Variants in EHBP1 observed in about 807,000 individuals in gnomAD.
EHBP1 encodes the protein EH domain-binding protein 1.
A neutral mutation model predicts 144.0 loss-of-function variants in EHBP1; 55 were observed. That is an observed-to-expected ratio of 0.38 (90% CI 0.31 to 0.48). The LOEUF (loss-of-function observed/expected upper bound fraction) is 0.48. Among genes scored for constraint, EHBP1 ranks in the 20% least tolerant of loss-of-function variants. EHBP1 has a pLI of 0.98. For synonymous variants in EHBP1, 469 were observed against 472.7 expected (o/e 0.99, Z 0.10); for missense variants, 1,200 against 1,364.2 (o/e 0.88, Z 1.90).
chr2:62,688,014 A>G (rs2033776209), intron 1 of EHBP1, among the ~76,000 whole-genome samples: 1 of 152,200 alleles, frequency 6.6e-6, no homozygotes, highest in South Asian at 2.1e-4. Flanking sequence ...TAGACTCTGG[A>G]AATTATTCCT....
chr2:62,917,081 T>C (rs1258544226), intron 10 of EHBP1, among the ~76,000 whole-genome samples: 1 of 152,130 alleles, frequency 6.6e-6, no homozygotes, highest in African/African-American at 2.4e-5. Flanking sequence ...AGCTAGATGG[T>C]GTAGTGTACT....
At chr2:62,841,800 G>C (rs2047901263) in intron 7 of EHBP1, among the ~76,000 whole-genome samples, 1 of 151,688 alleles carries the variant, frequency 6.6e-6, no homozygotes, top group Non-Finnish European at 1.5e-5. Context: ...GCTATCTGGA[G>C]TATTTCCAGA....
chr2:62,834,089 T>G (rs1038096544), intron 7 of EHBP1, among the ~76,000 whole-genome samples: 1 of 152,188 alleles, frequency 6.6e-6, no homozygotes, highest in African/African-American at 2.4e-5. Flanking sequence ...ATGATAAAAC[T>G]TGAATGGATG....
intron 14 of EHBP1, among the ~76,000 whole-genome samples, chr2:62,960,851 T>C (rs2057965336): frequency 6.6e-6 from 1 of 152,222 alleles, no homozygotes; most frequent in Non-Finnish European, 1.5e-5. Context: ...TTTTGCCACT[T>C]GGGTACTTAA....
Position 62,747,365 on chromosome 2 carries a change from A to G in EHBP1, c.105-30A>G, listed in dbSNP as rs766413842. On this transcript the variant is annotated intron_variant, in intron 2 of 22. Coordinates refer to ENST00000431489, the MANE Select transcript of EHBP1 (RefSeq NM_001142616.3). ...ATGAAACTTTATTTATTTAAGATAA[A>G]TTATGTTTAACTTTTTTTTTGTTTG... 10 of 1,596,852 alleles carry G rather than the reference A, an allele frequency of 6.3e-6. No homozygotes were observed. The South Asian group carries it at 1.1e-4, about 18-fold the overall frequency.
At chr2:62,673,964 G>T in exon 1 of EHBP1, 2 of 465,042 alleles carry the variant, frequency 4.3e-6, no homozygotes, top group Non-Finnish European at 8.9e-6. Flanking sequence ...TGGGTTGCTT[G>T]CTAGGACACA....
At chr2:62,981,907 A>G (rs2058990086) in intron 15 of EHBP1, among the ~76,000 whole-genome samples, 3 of 152,150 alleles carry the variant, frequency 2.0e-5, no homozygotes, top group South Asian at 2.1e-4. Flanking sequence ...ACCAGGGTCT[A>G]TTTTCCCCAT....
chr2:63,015,070 CTCTT>C (rs1208717501), intron 19 of EHBP1, among the ~76,000 whole-genome samples: 1 of 152,176 alleles, frequency 6.6e-6, no homozygotes, highest in Non-Finnish European at 1.5e-5. Context: ...GATATAATAA[CTCTT>C]TCCGAATTTT....
At chr2:62,930,482 C>T (rs1243786301) in intron 10 of EHBP1, among the ~76,000 whole-genome samples, 1 of 152,116 alleles carries the variant, frequency 6.6e-6, no homozygotes, top group Admixed American at 6.5e-5. Flanking sequence ...TAATGCAATT[C>T]TTATAAAGAT....
At chr2:62,823,099 T>C (rs567017968) in intron 5 of EHBP1, among the ~76,000 whole-genome samples, 31 of 152,230 alleles carry the variant, frequency 2.0e-4, no homozygotes, top group African/African-American at 7.5e-4. Flanking sequence ...TAGGTCCATC[T>C]TTAGGTCTAC....
intron 7 of EHBP1, among the ~76,000 whole-genome samples, chr2:62,846,608 T>C (rs1051674822): frequency 6.6e-6 from 1 of 152,158 alleles, no homozygotes; most frequent in Non-Finnish European, 1.5e-5. Context: ...CTCTTACCAT[T>C]CAACATTATA....
At chr2:62,892,099 A>T (rs2052506557) in intron 10 of EHBP1, among the ~76,000 whole-genome samples, 1 of 152,124 alleles carries the variant, frequency 6.6e-6, no homozygotes, top group Admixed American at 6.5e-5. Flanking sequence ...TTTTATGCGC[A>T]TTTACATCAT....
chr2:62,895,756 T>C (rs942911708), intron 10 of EHBP1, among the ~76,000 whole-genome samples: 3 of 151,832 alleles, frequency 2.0e-5, no homozygotes, highest in African/African-American at 7.3e-5. Context: ...AGCAATGCAG[T>C]GAAGAAAGAG....
At chr2:62,689,002 G>T (rs1382904206) in intron 1 of EHBP1, among the ~76,000 whole-genome samples, 1 of 152,184 alleles carries the variant, frequency 6.6e-6, no homozygotes, top group African/African-American at 2.4e-5. Context: ...GTAAGAATGT[G>T]TGCATCCCAT....
rs79999466 is a variant in EHBP1, at chr2:62,931,888, A to T, written c.1186-10830A>T. ...TCAAGTGTCCCCTGGGGGTCTTAGAACATATTCCCATCAGGTGCAGTGGTT... is the reference window on the plus strand; with the variant it reads ...TCAAGTGTCCCCTGGGGGTCTTAGATCATATTCCCATCAGGTGCAGTGGTT... On this transcript the variant is annotated intron_variant, in intron 10 of 22. Coordinates refer to ENST00000431489, the MANE Select transcript of EHBP1 (RefSeq NM_001142616.3). 2.5e-4 allele frequency among the ~76,000 whole-genome samples: 38 copies of T among 152,282 alleles called. 1 individual carries two copies. The East Asian group carries it at 7.1e-3, about 29-fold the overall frequency.
chr2:62,744,978 C>G (rs999156837), intron 2 of EHBP1, among the ~76,000 whole-genome samples: 4 of 152,024 alleles, frequency 2.6e-5, no homozygotes, highest in Admixed American at 2.0e-4. Context: ...GGGCTGGAAC[C>G]TAGGTATCAG....
intron 4 of EHBP1, among the ~76,000 whole-genome samples, chr2:62,766,195 TTG>T (rs1401593503): frequency 6.6e-6 from 1 of 151,976 alleles, no homozygotes; most frequent in African/African-American, 2.4e-5. Flanking sequence ...ATCTCATAAG[TTG>T]TAGGGGTTGT....
intron 3 of EHBP1, among the ~76,000 whole-genome samples, chr2:62,756,762 C>CT (rs2040323879): frequency 9.1e-6 from 1 of 110,192 alleles, no homozygotes; most frequent in Non-Finnish European, 1.7e-5. Flanking sequence ...AAGTAGAACT[C>CT]TATCTCAAAA....
At chr2:62,707,575 G>C (rs1558525097) in intron 2 of EHBP1, among the ~76,000 whole-genome samples, 1 of 152,162 alleles carries the variant, frequency 6.6e-6, no homozygotes, top group Non-Finnish European at 1.5e-5. Flanking sequence ...TTCATCATTA[G>C]TGTTAAAATA....
Sources: allele counts gnomAD v4.1 joint callset (sites outside exome capture counted in the v4.1 genomes callset), GRCh38; gene constraint gnomAD v4.1.1; transcripts MANE v1.5; gene names NCBI Gene and HGNC (gene_info 2026-07-23, HGNC 2026-07-21).